KCNMA1: variants seen among roughly 807,000 people sequenced by gnomAD.
The protein encoded by KCNMA1 is potassium calcium-activated channel subfamily M alpha 1, also known as Calcium-activated potassium channel subunit alpha-1.
Under a neutral mutation model 140.0 loss-of-function variants are expected in KCNMA1, and 29 were observed. The ratio of observed to expected loss-of-function variants is 0.21; its 90% CI spans 0.15 to 0.28. The LOEUF is 0.28. Ranked by LOEUF, KCNMA1 falls within the 10% of genes least tolerant of loss-of-function variation. The probability of loss-of-function intolerance (pLI) is 1.00; values close to 1 mark genes in which losing one functional copy is unlikely to be tolerated. For missense variants in KCNMA1, 880 were observed against 1,602.2 expected (o/e 0.55, Z 7.70); for synonymous variants, 612 against 611.9 (o/e 1.00, Z 0.00).
At chr10:77,366,910 G>A (rs1402080174) in intron 2 of KCNMA1, among the ~76,000 whole-genome samples, 1 of 152,118 alleles carries the variant, frequency 6.6e-6, no homozygotes, top group Non-Finnish European at 1.5e-5. Context: ...TTTCTATAAA[G>A]TCAGTTTGTC....
At chr10:77,444,060 A>G (rs1042137900) in intron 1 of KCNMA1, among the ~76,000 whole-genome samples, 11 of 152,336 alleles carry the variant, frequency 7.2e-5, no homozygotes, top group Middle Eastern at 6.8e-3. Context: ...AATTAAAATT[A>G]TAAAAGGGAG....
chr10:77,383,653 CATTATA>C (rs2095504359), intron 2 of KCNMA1, among the ~76,000 whole-genome samples: 1 of 152,006 alleles, frequency 6.6e-6, no homozygotes. Flanking sequence ...TCAATATAAA[CATTATA>C]ATAAGGTTTT....
At chr10:77,049,203 C>T (rs2095258693) in intron 14 of KCNMA1, among the ~76,000 whole-genome samples, 1 of 152,206 alleles carries the variant, frequency 6.6e-6, no homozygotes, top group African/African-American at 2.4e-5. Flanking sequence ...ACAAATATGT[C>T]TCTCTATGAC....
intron 1 of KCNMA1, chr10:77,498,987 T>TA (rs1232891871): frequency 6.6e-6 from 1 of 152,130 alleles, no homozygotes; most frequent in African/African-American, 2.4e-5. Context: ...CCAATCTATA[T>TA]AATGAGGACA....
chr10:77,462,464 T>TGTAAACATACATACAC (rs1431111344), intron 1 of KCNMA1, among the ~76,000 whole-genome samples: 1 of 152,188 alleles, frequency 6.6e-6, no homozygotes, highest in Admixed American at 6.5e-5. Context: ...CACACAGACA[T>TGTAAACATACATACAC]GTAAACATAC....
intron 5 of KCNMA1, among the ~76,000 whole-genome samples, chr10:77,161,094 G>A (rs112329644): frequency 6.6e-6 from 1 of 152,270 alleles, no homozygotes; most frequent in East Asian, 1.9e-4. Flanking sequence ...ATTGTCTGTC[G>A]GCTCCATGGT....
In KCNMA1 at chr10:77,079,418, A is replaced by G. The variant is rs917237879; in HGVS notation, c.1593+63T>C. On this transcript the variant is annotated intron_variant, in intron 13 of 27. Transcript: ENST00000286628. ...TGTGTGTGTGTGAGCCTGTATAATG[A>G]GGAAGAAGAGGCTGGACCTGTGGAT... 4.2e-5 allele frequency: 36 copies of G among 866,396 alleles called. No homozygotes were observed. The Admixed American group carries it at 5.0e-4, about 12-fold the overall frequency. The allele number at this position is 866,396 out of a possible 1,614,324, so 53.7% of individuals were successfully genotyped here.
chr10:77,611,596 C>T (rs924074391), intron 1 of KCNMA1, among the ~76,000 whole-genome samples: 2 of 152,112 alleles, frequency 1.3e-5, no homozygotes, highest in South Asian at 2.1e-4. Context: ...ATACCCAGCC[C>T]GGCACATAGC....
chr10:77,083,626 T>C (rs61866982), intron 12 of KCNMA1, among the ~76,000 whole-genome samples: 9,026 of 151,454 alleles, frequency 0.06, 381 homozygotes, highest in Non-Finnish European at 0.091. Flanking sequence ...AGGAGTTCGT[T>C]GAGATCAGCC....
chr10:76,923,948 T>C (rs566386255), intron 23 of KCNMA1, among the ~76,000 whole-genome samples: 42 of 152,280 alleles, frequency 2.8e-4, no homozygotes, highest in Non-Finnish European at 5.1e-4. Flanking sequence ...GAGGTTGCAG[T>C]GAGCCAAGAT....
intron 20 of KCNMA1, among the ~76,000 whole-genome samples, chr10:76,967,978 AGC>A (rs2074605360): frequency 6.6e-6 from 1 of 152,130 alleles, no homozygotes; most frequent in Non-Finnish European, 1.5e-5. Context: ...AAAAACCCAC[AGC>A]CAATCTGTTG....
At chr10:76,925,167 A>G (rs577918693) in intron 23 of KCNMA1, among the ~76,000 whole-genome samples, 38 of 152,298 alleles carry the variant, frequency 2.5e-4, no homozygotes, top group Non-Finnish European at 1.5e-5. Flanking sequence ...AAATTACTAC[A>G]TATTAATGTT....
intron 2 of KCNMA1, chr10:77,350,283 G>A (rs553488082): frequency 4.6e-5 from 7 of 152,340 alleles, no homozygotes; most frequent in African/African-American, 1.7e-4. Context: ...TCTTTAGAGG[G>A]TAACTATTTC....
At chr10:77,234,722 C>A (rs2054800239) in intron 3 of KCNMA1, among the ~76,000 whole-genome samples, 1 of 152,162 alleles carries the variant, frequency 6.6e-6, no homozygotes, top group African/African-American at 2.4e-5. Flanking sequence ...CCAAGAATAT[C>A]ATTAACCATA....
intron 3 of KCNMA1, among the ~76,000 whole-genome samples, chr10:77,197,106 T>C (rs2040757568): frequency 6.6e-6 from 1 of 152,240 alleles, no homozygotes; most frequent in African/African-American, 2.4e-5. Flanking sequence ...CCAACATGCT[T>C]TAACAAATGC....
intron 27 of KCNMA1, among the ~76,000 whole-genome samples, chr10:76,889,027 C>T (rs2038686390): frequency 6.6e-6 from 1 of 151,890 alleles, no homozygotes; most frequent in South Asian, 2.1e-4. Flanking sequence ...CCACTGCACT[C>T]CAGCCTGGGC....
At chr10:77,618,924 C>T (rs1039964223) in intron 1 of KCNMA1, among the ~76,000 whole-genome samples, 3 of 152,106 alleles carry the variant, frequency 2.0e-5, no homozygotes, top group Middle Eastern at 6.3e-3. Context: ...AAGAGAAGTC[C>T]GGCAGTGTGA....
chr10:76,895,345 C>CACCGAGA, intron 25 of KCNMA1, among the ~76,000 whole-genome samples: 1 of 152,152 alleles, frequency 6.6e-6, no homozygotes, highest in African/African-American at 2.4e-5. Context: ...GCAGCTCGTC[C>CACCGAGA]TGCTACACAG....
chr10:76,945,319 T>C (rs2063618375), intron 22 of KCNMA1, among the ~76,000 whole-genome samples: 1 of 152,196 alleles, frequency 6.6e-6, no homozygotes. Context: ...TTTAAGTAAC[T>C]GTCCTGTGGC....
Sources: gnomAD v4.1 joint callset for allele counts (sites outside exome capture counted in the v4.1 genomes callset) on GRCh38, gnomAD v4.1.1 for gene constraint, MANE v1.5 for transcripts, NCBI Gene and HGNC (gene_info 2026-07-23, HGNC 2026-07-21) for gene names.